The following RTKN variants were observed in gnomAD, a reference collection of about 807,000 sequenced individuals.
RTKN encodes the protein rhotekin.
In RTKN, 49 loss-of-function variants were observed where a neutral mutation model predicts 63.5. The observed-to-expected ratio is 0.77, with a 90% CI of 0.61 to 0.98. The LOEUF (loss-of-function observed/expected upper bound fraction) is 0.98. Among genes scored for constraint, RTKN ranks in the 50% least tolerant of loss-of-function variants. RTKN has a pLI of 0.00. For missense variants in RTKN, 685 were observed against 740.8 expected (o/e 0.92, Z 0.87); for synonymous variants, 295 against 290.4 (o/e 1.02, Z -0.16).
chr2:74,432,735 C>T (rs1670830178), intron 1 of RTKN, 69 bp from the exon 2 acceptor site: 1 of 1,411,360 alleles, frequency 7.1e-7, no homozygotes, highest in East Asian at 2.3e-5. Context: ...ACTCCCCAGT[C>T]CCCAGGTGGG....
In RTKN at chr2:74,428,748, A is replaced by G; in HGVS notation, c.851-11T>C. 1.9e-6 allele frequency: 3 copies of G among 1,612,674 alleles called. No homozygotes were observed. The highest frequency in any genetic ancestry group is 4.5e-5 in the East Asian group (2 of 44,830). The stretch of plus-strand genomic sequence containing the variant: ...AGGCAGGGTTCTCCTCTGGGGGAGG[A>G]GGAAGTGCAGGGTGAGGTAGGGGAA... On this transcript the variant is annotated splice_polypyrimidine_tract_variant and intron_variant, in intron 7 of 11. Transcript: ENST00000272430.
intron 1 of RTKN, among the ~76,000 whole-genome samples, chr2:74,434,595 T>C (rs770149687): frequency 1.3e-5 from 2 of 152,162 alleles, no homozygotes; most frequent in East Asian, 3.9e-4. Flanking sequence ...TTTGTATTCT[T>C]AGTAGAGACA....
intron 5 of RTKN, 94 bp from the exon 6 acceptor site, chr2:74,430,131 G>A: frequency 6.6e-7 from 1 of 1,520,640 alleles, no homozygotes. Context: ...CAGCTCCACA[G>A]AGAAGGCCAG....
At chr2:74,427,661 C>T (rs76722294) in intron 9 of RTKN, 69 bp from the exon 10 acceptor site, 21 of 1,500,304 alleles carry the variant, frequency 1.4e-5, no homozygotes, top group South Asian at 2.5e-5. Context: ...GCCTTGATCA[C>T]GCCTGCCTTA....
chr2:74,441,583 G>A (rs1671367507), intron 1 of RTKN, 123 bp downstream of exon 1: 3 of 681,874 alleles, frequency 4.4e-6, no homozygotes, highest in Non-Finnish European at 7.6e-6. Flanking sequence ...ACTCCGTCGG[G>A]TTTGTACCCA....
rs79122028 is a variant in RTKN at position 74,432,542 on chromosome 2, T to C, written c.236A>G (p.Asn79Ser). The change falls in exon 2 of 12, where the codon AAC becomes AGC. Residue 79 changes from asparagine (N) to serine (S), a missense_variant. Coordinates refer to ENST00000272430, the MANE Select transcript of RTKN (RefSeq NM_001015055.2). ...LEATKSLLVC[N>S]SRILSYMGEL... Reference sequence around the variant, plus strand: ...GCCCATGTAGCTGAGGATGCGGCTGTTGCACACTAGCAGGCTCTTGGTGGC... The same window carrying C: ...GCCCATGTAGCTGAGGATGCGGCTGCTGCACACTAGCAGGCTCTTGGTGGC... 1.9e-4 allele frequency: 301 copies of C among 1,613,838 alleles called. 1 individual carries two copies. In the South Asian group the frequency reaches 3.1e-3, roughly 17 times the overall value.
rs774121575 is a variant in RTKN, at chr2:74,428,847, C to A, written c.850+1G>T. ...TGTCCCCCATGCACACACATACTTA[C>A]CATGACTGGCAAGGGTGAGGTCATG... On this transcript the variant is annotated splice_donor_variant, in intron 7 of 11. Transcript: ENST00000272430. LOFTEE classifies it high-confidence loss of function. The A allele has an allele frequency of 6.2e-7, 1 of 1,613,722 alleles. No homozygotes were observed. Among genetic ancestry groups the A allele is most frequent in the Non-Finnish European group, 8.5e-7 (1 of 1,179,674 alleles).
chr2:74,435,652 C>CT (rs1017676689), intron 1 of RTKN, among the ~76,000 whole-genome samples: 10 of 152,186 alleles, frequency 6.6e-5, no homozygotes, highest in African/African-American at 2.4e-4. Context: ...AAGACTAACT[C>CT]TATCACAGTG....
chr2:74,428,326 C>G lies in RTKN; in HGVS notation c.1028G>C (p.Arg343Pro). 4 of 1,614,110 alleles carry G rather than the reference C, an allele frequency of 2.5e-6. No individual in the cohort carries two copies. The highest frequency in any genetic ancestry group is 2.5e-6 in the Non-Finnish European group (3 of 1,179,998). ...CCCAGTGTCTGCATCCTCAGGTTGC[C>G]GGTAACAGAAGAGGTTTGTGCCTTT... is the stretch of plus-strand genomic sequence containing the variant. ...VLKGTNLFCY[R>P]QPEDADTGEE... Residue 343 changes from arginine (R) to proline (P), a missense_variant, in exon 9 of 12, where the codon CGG (arginine) becomes CCG (proline). Coordinates refer to ENST00000272430, the MANE Select transcript of RTKN (RefSeq NM_001015055.2).
At position 74,428,621 on chromosome 2, in the gene RTKN, G is replaced by T. The variant is rs960989381; in HGVS notation, c.957+10C>A. Reference sequence around the variant, plus strand: ...TCCCTGCTCCCTTCCACTCCTCAGGGCCCCCTCACCTGCACCCTGAGGGTA... The same window carrying T: ...TCCCTGCTCCCTTCCACTCCTCAGGTCCCCCTCACCTGCACCCTGAGGGTA... On this transcript the variant is annotated intron_variant, in intron 8 of 11. Transcript: ENST00000272430. 6.2e-7 allele frequency: 1 copy of T among 1,608,260 alleles called. No homozygotes were observed. Among genetic ancestry groups the T allele is most frequent in the Admixed American group, 1.7e-5 (1 of 59,630 alleles).
chr2:74,426,546 C>A lies in RTKN; in HGVS notation c.1389G>T (p.Ala463=), dbSNP rs376841050. The change falls in exon 12 of 12, where the codon GCG becomes GCT. Residue 463 remains alanine, a synonymous_variant. Coordinates refer to ENST00000272430, the MANE Select transcript of RTKN (RefSeq NM_001015055.2). ...CCCGCTGGGTCAGGATGTCTGTCAC[C>A]GCTGCGATGTCATCCAGCGGCTCAA... ...MAIEPLDDIA[A]VTDILTQREG... The A allele has an allele frequency of 8.5e-6, 13 of 1,537,930 alleles. No individual in the cohort carries two copies. Among genetic ancestry groups the A allele is most frequent in the Non-Finnish European group, 1.1e-5 (12 of 1,139,890 alleles).
At chr2:74,428,441 G>A (rs768675893) in intron 8 of RTKN, 45 bp from the exon 9 acceptor site, 1 of 1,613,820 alleles carries the variant, frequency 6.2e-7, no homozygotes, top group Non-Finnish European at 8.5e-7. Context: ...ACGGCCCCCA[G>A]TATCCCTCTT....
At chr2:74,435,058 C>T (rs907107298) in intron 1 of RTKN, among the ~76,000 whole-genome samples, 2 of 152,000 alleles carry the variant, frequency 1.3e-5, no homozygotes, top group East Asian at 3.9e-4. Flanking sequence ...ACCTATACAC[C>T]CCAAATTAAG....
In RTKN at chr2:74,425,947, T is replaced by C. The variant is rs1670363845; in HGVS notation, c.*296A>G. 1 of 682,224 alleles carries C rather than the reference T, an allele frequency of 1.5e-6. No homozygotes were observed. The highest frequency in any genetic ancestry group is 1.9e-5 in the South Asian group (1 of 51,924). 42.3% of individuals were successfully genotyped at this position (682,224 alleles called of 1,614,324 possible). ...AGGGAGGTATGTTTGCTCCAAGGGT[T>C]CTTCAGTGCCATCCTCAAAGCTGGT... On this transcript the variant is annotated 3_prime_UTR_variant, in exon 12 of 12. Transcript: ENST00000272430.
Position 74,428,400 on chromosome 2 carries a change from C to A in RTKN, c.958-4G>T, listed in dbSNP as rs781511390. On this transcript the variant is annotated splice_polypyrimidine_tract_variant and splice_region_variant and intron_variant, in intron 8 of 11. Coordinates refer to ENST00000272430, the MANE Select transcript of RTKN (RefSeq NM_001015055.2). Reference sequence around the variant, plus strand: ...AGTTCTGCATCTCCCCAGCTTGCTGCACAAATGACTCAACATTTTCTGGGG... The same window carrying A: ...AGTTCTGCATCTCCCCAGCTTGCTGAACAAATGACTCAACATTTTCTGGGG... The A allele has an allele frequency of 6.2e-7, 1 of 1,614,168 alleles. No individual in the cohort carries two copies. Among genetic ancestry groups the A allele is most frequent in the Admixed American group, 1.7e-5 (1 of 60,022 alleles).
chr2:74,433,448 T>C (rs1670878032), intron 1 of RTKN, among the ~76,000 whole-genome samples: 1 of 151,938 alleles, frequency 6.6e-6, no homozygotes, highest in Admixed American at 6.6e-5. Flanking sequence ...TAATTTCACA[T>C]ATATCTAGGT....
At chr2:74,440,234 G>T (rs900499354) in intron 1 of RTKN, 94 of 548,826 alleles carry the variant, frequency 1.7e-4, no homozygotes, top group East Asian at 8.5e-4. Flanking sequence ...GGACCTCAGG[G>T]GAGAGTGAGC....
chr2:74,427,686 T>G, intron 9 of RTKN, 94 bp from the exon 10 acceptor site: 1 of 1,367,074 alleles, frequency 7.3e-7, no homozygotes, highest in African/African-American at 1.4e-5. Context: ...AATGAGCTTG[T>G]GGGGCTTTTG....
chr2:74,441,730 G>T lies in RTKN; in HGVS notation c.87C>A (p.Leu29=), dbSNP rs764535899. ...CCTCGGGCAGGTCGCTGAAGAGGCTGAGTCGGAAGCGGCCGCGTTTGAACT... is the reference window on the plus strand; with the variant it reads ...CCTCGGGCAGGTCGCTGAAGAGGCTTAGTCGGAAGCGGCCGCGTTTGAACT... ...EMEFKRGRFR[L]SLFSDLPEDT... is the part of the protein sequence containing the mutation. Residue 29 remains leucine (L), a synonymous_variant, in exon 1 of 12, where the codon CTC becomes CTA. Transcript: ENST00000272430. The T allele has an allele frequency of 6.2e-7, 1 of 1,611,562 alleles. No homozygotes were observed. The highest frequency in any genetic ancestry group is 1.1e-5 in the South Asian group (1 of 90,472).
Sources: allele counts gnomAD v4.1 joint callset (sites outside exome capture counted in the v4.1 genomes callset), GRCh38; gene constraint gnomAD v4.1.1; transcripts MANE v1.5; gene names NCBI Gene and HGNC (gene_info 2026-07-23, HGNC 2026-07-21).